Variants in ZNF385D observed in about 807,000 individuals in gnomAD.
The protein encoded by ZNF385D is zinc finger protein 385D.
Under a neutral mutation model 35.8 loss-of-function variants are expected in ZNF385D, and 15 were observed. The observed-to-expected ratio is 0.42, with a 90% confidence interval of 0.28 to 0.64. The LOEUF (loss-of-function observed/expected upper bound fraction) is 0.64, where lower values mean the gene tolerates loss of function less well. Among genes scored for constraint, ZNF385D ranks in the 30% least tolerant of loss-of-function variants. The probability of loss-of-function intolerance (pLI) is 0.23; values close to 1 mark genes in which losing one functional copy is unlikely to be tolerated. For synonymous variants in ZNF385D, 212 were observed against 186.8 expected (o/e 1.13, Z -1.10); for missense variants, 474 against 494.6 (o/e 0.96, Z 0.39).
intron 2 of ZNF385D, among the ~76,000 whole-genome samples, chr3:22,176,777 A>C (rs138425793): frequency 6.6e-6 from 1 of 152,178 alleles, no homozygotes; most frequent in Non-Finnish European, 1.5e-5. Context: ...CAAATGACTC[A>C]CCATGAAAGC....
chr3:22,364,187 G>A (rs558327873), intron 2 of ZNF385D, among the ~76,000 whole-genome samples: 5 of 151,910 alleles, frequency 3.3e-5, no homozygotes, highest in Non-Finnish European at 7.4e-5. Context: ...TTTAAACAAA[G>A]GTTTAGAATA....
intron 3 of ZNF385D, among the ~76,000 whole-genome samples, chr3:21,761,263 C>G (rs1268072893): frequency 1.3e-5 from 2 of 152,202 alleles, no homozygotes; most frequent in East Asian, 3.9e-4. Context: ...GCACCATCAG[C>G]TGAGCAACTC....
At chr3:21,483,527 C>A (rs905207973) in intron 4 of ZNF385D, among the ~76,000 whole-genome samples, 2 of 152,172 alleles carry the variant, frequency 1.3e-5, no homozygotes, top group Non-Finnish European at 2.9e-5. Context: ...AATTCTTTCT[C>A]ACCAGCAATG....
rs1271696945 is a variant in ZNF385D, at chr3:21,539,904, G to A, written c.276+24670C>T. On this transcript the variant is annotated intron_variant, in intron 3 of 7. Coordinates refer to ENST00000281523, the MANE Select transcript of ZNF385D (RefSeq NM_024697.3). The surrounding 1 kb of genome is among the most constrained non-coding windows in gnomAD (Gnocchi z 4.0). The stretch of plus-strand genomic sequence containing the variant: ...GATTTTAAAATATTTACTTCTCTAT[G>A]TCTTTTTAAACCATGAAGATAGCTA... 1.3e-5 allele frequency among the ~76,000 whole-genome samples: 2 copies of A among 151,980 alleles called. No homozygotes were observed. Among genetic ancestry groups the A allele is most frequent in the Admixed American group, 6.6e-5 (1 of 15,252 alleles).
chr3:21,872,672 G>A (rs1190250764), intron 3 of ZNF385D, among the ~76,000 whole-genome samples: 1 of 152,016 alleles, frequency 6.6e-6, no homozygotes, highest in Non-Finnish European at 1.5e-5. Flanking sequence ...TTACAATGTG[G>A]CAAAATGGCC....
At chr3:21,965,552 T>C (rs568321880) in intron 3 of ZNF385D, among the ~76,000 whole-genome samples, 3 of 152,204 alleles carry the variant, frequency 2.0e-5, no homozygotes, top group South Asian at 2.1e-4. Context: ...TAAAGAAAGG[T>C]TGAAGAATTG....
chr3:21,916,731 A>G (rs554232342), intron 3 of ZNF385D, among the ~76,000 whole-genome samples: 17 of 152,332 alleles, frequency 1.1e-4, no homozygotes, highest in South Asian at 1.0e-3. Context: ...CAATTTACCC[A>G]TTCCTTATTG....
chr3:21,666,648 G>A (rs1462290945), intron 1 of ZNF385D, among the ~76,000 whole-genome samples: 1 of 152,182 alleles, frequency 6.6e-6, no homozygotes, highest in Non-Finnish European at 1.5e-5. Context: ...GAGTGTGAGT[G>A]TGTAACCATT....
intron 3 of ZNF385D, among the ~76,000 whole-genome samples, chr3:21,885,453 A>G (rs1698491403): frequency 6.6e-6 from 1 of 152,026 alleles, no homozygotes; most frequent in South Asian, 2.1e-4. Context: ...TCACAAGTTT[A>G]CGTAGATTTT....
chr3:22,024,300 A>C (rs375423313), intron 3 of ZNF385D, among the ~76,000 whole-genome samples: 15 of 151,958 alleles, frequency 9.9e-5, no homozygotes, highest in Admixed American at 5.9e-4. Flanking sequence ...ATACTTAATA[A>C]ACTCCCCTAT....
intron 1 of ZNF385D, among the ~76,000 whole-genome samples, chr3:21,709,265 T>C (rs1325744741): frequency 3.9e-5 from 6 of 152,170 alleles, no homozygotes; most frequent in Non-Finnish European, 8.8e-5. Context: ...TGAAGCAGTG[T>C]ACTCAAAGGC....
chr3:21,989,796 T>A (rs1424538436), intron 3 of ZNF385D, among the ~76,000 whole-genome samples: 2 of 152,224 alleles, frequency 1.3e-5, no homozygotes, highest in Non-Finnish European at 2.9e-5. Context: ...CAAAATTATA[T>A]TCTTGATAAC....
intron 3 of ZNF385D, among the ~76,000 whole-genome samples, chr3:22,144,084 AAAG>A (rs1212735055): frequency 6.6e-6 from 1 of 152,192 alleles, no homozygotes; most frequent in Non-Finnish European, 1.5e-5. Context: ...ATGTTTTATA[AAAG>A]AATGTGGGAA....
chr3:22,080,869 C>T (rs576763809), intron 3 of ZNF385D, among the ~76,000 whole-genome samples: 1 of 152,176 alleles, frequency 6.6e-6, no homozygotes, highest in East Asian at 1.9e-4. Flanking sequence ...AAGAAGGCAC[C>T]ATCTATGAAC....
chr3:22,196,562 T>C (rs1395914025), intron 2 of ZNF385D, among the ~76,000 whole-genome samples: 2 of 151,986 alleles, frequency 1.3e-5, no homozygotes, highest in Non-Finnish European at 2.9e-5. Context: ...TTGTGGTTTA[T>C]TATTATTTTA....
chr3:22,020,317 T>C (rs893219591), intron 3 of ZNF385D, among the ~76,000 whole-genome samples: 10 of 151,932 alleles, frequency 6.6e-5, no homozygotes, highest in Non-Finnish European at 1.5e-4. Context: ...AGATTTCAAG[T>C]ATGTTGGTGA....
intron 4 of ZNF385D, among the ~76,000 whole-genome samples, chr3:21,486,148 A>G (rs1223849780): frequency 1.5e-5 from 2 of 137,160 alleles, no homozygotes; most frequent in East Asian, 4.1e-4. Context: ...AGATTGAAAC[A>G]ATTTATCTAG....
intron 3 of ZNF385D, among the ~76,000 whole-genome samples, chr3:22,044,836 G>C (rs975047918): frequency 4.3e-4 from 66 of 152,020 alleles, no homozygotes; most frequent in Middle Eastern, 3.4e-3. Context: ...GGGAGGAGGA[G>C]AGAAAATGAA....
chr3:21,707,168 A>G (rs1329208100), intron 1 of ZNF385D, among the ~76,000 whole-genome samples: 1 of 152,194 alleles, frequency 6.6e-6, no homozygotes, highest in Non-Finnish European at 1.5e-5. Flanking sequence ...TGCTTAGTTA[A>G]ATAGTTATTA....
Sources: allele counts gnomAD v4.1 joint callset (sites outside exome capture counted in the v4.1 genomes callset), GRCh38; gene constraint gnomAD v4.1.1; non-coding constraint Gnocchi (gnomAD v3.1); transcripts MANE v1.5; gene names NCBI Gene and HGNC (gene_info 2026-07-23, HGNC 2026-07-21).